SKAP1: variants seen among roughly 807,000 people sequenced by gnomAD.
SKAP1 encodes the protein src kinase associated phosphoprotein 1, also known as src kinase-associated phosphoprotein 1.
Under a neutral mutation model 58.5 loss-of-function variants are expected in SKAP1, and 44 were observed. The observed-to-expected ratio is 0.75, with a 90% CI of 0.59 to 0.97. The LOEUF is 0.97. Among genes scored for constraint, SKAP1 ranks in the 50% least tolerant of loss-of-function variants. The probability of loss-of-function intolerance (pLI) is 0.00; values close to 1 mark genes in which losing one functional copy is unlikely to be tolerated. For missense variants in SKAP1, 390 were observed against 435.2 expected (o/e 0.90, Z 0.92); for synonymous variants, 127 against 149.7 (o/e 0.85, Z 1.11).
At chr17:48,312,614 A>G (rs943812774) in intron 4 of SKAP1, among the ~76,000 whole-genome samples, 4 of 152,206 alleles carry the variant, frequency 2.6e-5, no homozygotes, top group African/African-American at 9.6e-5. Context: ...TGGAAGTTCT[A>G]CATGCATTAA....
Position 48,396,867 on chromosome 17 carries a change from T to A in SKAP1, c.47-82A>T. On this transcript the variant is annotated intron_variant, in intron 1 of 12. Coordinates refer to ENST00000336915, the MANE Select transcript of SKAP1 (RefSeq NM_003726.4). ...ATCAGAAGGATTAAGAAATGGCACA[T>A]GTATACATATGTAACTAACCTGCAC... 3 of 928,638 alleles carry A rather than the reference T, an allele frequency of 3.2e-6. No individual in the cohort carries two copies. The South Asian group carries it at 4.0e-5, about 12-fold the overall frequency. 57.5% of individuals were successfully genotyped at this position (928,638 alleles called of 1,614,324 possible). A position where few individuals can be genotyped will look rare whatever the true frequency, so the allele number is the denominator to read the frequency against.
chr17:48,403,633 C>T (rs912358092), intron 1 of SKAP1, among the ~76,000 whole-genome samples: 2 of 151,882 alleles, frequency 1.3e-5, no homozygotes, highest in African/African-American at 2.4e-5. Flanking sequence ...GAAGATGAGA[C>T]GTGTACAAAG....
intron 12 of SKAP1, among the ~76,000 whole-genome samples, chr17:48,134,610 C>G (rs1323546620): frequency 6.6e-6 from 1 of 152,166 alleles, no homozygotes; most frequent in Non-Finnish European, 1.5e-5. Flanking sequence ...GCCACTGCGC[C>G]TGGCCAGATA....
chr17:48,224,003 T>G (rs2065033948), intron 4 of SKAP1, among the ~76,000 whole-genome samples: 2 of 106,832 alleles, frequency 1.9e-5, no homozygotes, highest in Non-Finnish European at 3.8e-5. Flanking sequence ...CTCTGAGAGA[T>G]GGGAGACAGA....
intron 2 of SKAP1, among the ~76,000 whole-genome samples, chr17:48,386,270 A>G: frequency 6.7e-6 from 1 of 148,272 alleles, no homozygotes; most frequent in Non-Finnish European, 1.5e-5. Flanking sequence ...TACTCACATC[A>G]TTGAACTCAT....
chr17:48,382,827 A>T (rs1160992489), intron 2 of SKAP1, among the ~76,000 whole-genome samples: 1 of 152,102 alleles, frequency 6.6e-6, no homozygotes, highest in Non-Finnish European at 1.5e-5. Flanking sequence ...AAGTATCTTC[A>T]CCCTCCAGGT....
intron 4 of SKAP1, among the ~76,000 whole-genome samples, chr17:48,232,139 T>C (rs914695805): frequency 6.6e-6 from 1 of 152,238 alleles, no homozygotes; most frequent in Non-Finnish European, 1.5e-5. Context: ...ACTGCTATTG[T>C]AGGCCAGTCA....
chr17:48,413,523 A>AT lies in SKAP1; in HGVS notation c.46+16551_46+16552insA, dbSNP rs1555624886. On this transcript the variant is annotated intron_variant, in intron 1 of 12. Coordinates refer to ENST00000336915, the MANE Select transcript of SKAP1 (RefSeq NM_003726.4). ...GAGCAAAACTCCGTCTCAAAAAAAA[A>AT]ATATATATATATATATATATTTGCT... Among the ~76,000 whole-genome samples the AT allele has an allele frequency of 5.6e-4, 59 of 105,508 alleles. 7 individuals carry two copies. In the South Asian group the frequency reaches 7.7e-3, roughly 14 times the overall value. The allele number at this position is 105,508 out of a possible 152,430, so 69.2% of individuals were successfully genotyped here.
chr17:48,388,329 G>A (rs537450833), intron 2 of SKAP1, among the ~76,000 whole-genome samples: 18 of 152,056 alleles, frequency 1.2e-4, no homozygotes, highest in Non-Finnish European at 2.1e-4. Flanking sequence ...AGCTACTCAC[G>A]AGGCTGAGGC....
At chr17:48,374,212 T>G (rs889592546) in intron 2 of SKAP1, among the ~76,000 whole-genome samples, 12 of 151,538 alleles carry the variant, frequency 7.9e-5, no homozygotes, top group Non-Finnish European at 1.5e-4. Context: ...TTTTTGTTTT[T>G]TTTTTTTTTG....
At chr17:48,326,220 C>G (rs141448567) in intron 4 of SKAP1, among the ~76,000 whole-genome samples, 22 of 152,240 alleles carry the variant, frequency 1.4e-4, no homozygotes, top group African/African-American at 4.8e-4. Flanking sequence ...TGCTCTTTGC[C>G]AGAACTGTCT....
chr17:48,357,524 G>T (rs981634299), intron 3 of SKAP1, among the ~76,000 whole-genome samples: 1 of 152,094 alleles, frequency 6.6e-6, no homozygotes, highest in Non-Finnish European at 1.5e-5. Context: ...CAGCTGCTCG[G>T]GAGGCTGAGG....
intron 4 of SKAP1, among the ~76,000 whole-genome samples, chr17:48,199,776 G>C (rs373440619): frequency 2.0e-5 from 3 of 152,224 alleles, no homozygotes; most frequent in African/African-American, 7.2e-5. Flanking sequence ...GTGGACCTGG[G>C]TACAAGGCAA....
At chr17:48,214,711 C>T (rs1373605458) in intron 4 of SKAP1, among the ~76,000 whole-genome samples, 1 of 150,558 alleles carries the variant, frequency 6.6e-6, no homozygotes, top group Non-Finnish European at 1.5e-5. Flanking sequence ...CACTGGAGGT[C>T]AGGAGTTCGA....
intron 3 of SKAP1, among the ~76,000 whole-genome samples, chr17:48,362,719 C>A (rs1381531285): frequency 1.3e-5 from 2 of 151,968 alleles, no homozygotes; most frequent in East Asian, 3.8e-4. Flanking sequence ...TAAAATAAAG[C>A]TTTATAAAAA....
At chr17:48,145,595 C>T (rs2063822891) in intron 11 of SKAP1, among the ~76,000 whole-genome samples, 1 of 152,144 alleles carries the variant, frequency 6.6e-6, no homozygotes, top group South Asian at 2.1e-4. Flanking sequence ...CCTCCTGTCA[C>T]AGGGCCCTGA....
chr17:48,332,729 T>C (rs186702509), intron 4 of SKAP1, among the ~76,000 whole-genome samples: 57 of 152,226 alleles, frequency 3.7e-4, no homozygotes, highest in Non-Finnish European at 1.5e-4. Context: ...GCTGAAAGAA[T>C]TGAGGGAAAA....
chr17:48,320,545 T>C (rs561259266), intron 4 of SKAP1, among the ~76,000 whole-genome samples: 139 of 152,280 alleles, frequency 9.1e-4, no homozygotes, highest in African/African-American at 3.3e-3. Context: ...GAAAGTAAGT[T>C]TCTCTTAAAA....
chr17:48,324,928 A>G (rs2066413491), intron 4 of SKAP1, among the ~76,000 whole-genome samples: 1 of 152,058 alleles, frequency 6.6e-6, no homozygotes, highest in Non-Finnish European at 1.5e-5. Context: ...TCAGCCTGAT[A>G]CATTTCTATT....
Sources: allele counts gnomAD v4.1 joint callset (sites outside exome capture counted in the v4.1 genomes callset), GRCh38; gene constraint gnomAD v4.1.1; transcripts MANE v1.5; gene names NCBI Gene and HGNC (gene_info 2026-07-23, HGNC 2026-07-21).